The following SEC14L6 variants were observed in gnomAD, a reference collection of about 807,000 sequenced individuals.
SEC14L6 encodes the protein SEC14 like lipid binding 6.
Under a neutral mutation model 54.1 loss-of-function variants are expected in SEC14L6, and 40 were observed. The ratio of observed to expected loss-of-function variants is 0.74; its 90% CI spans 0.57 to 0.96. SEC14L6 has a LOEUF of 0.96. SEC14L6 is among the 40% of genes least tolerant of loss of function. SEC14L6 has a pLI of 0.00. For missense variants in SEC14L6, 471 were observed against 498.3 expected (o/e 0.95, Z 0.52); for synonymous variants, 171 against 198.4 (o/e 0.86, Z 1.16).
chr22:30,538,981 G>T, intron 1 of SEC14L6, 79 bp from the exon 2 acceptor site: 2 of 1,005,618 alleles, frequency 2.0e-6, no homozygotes, highest in South Asian at 1.4e-5. Flanking sequence ...CTTGAGGAAG[G>T]GGATGTCTGA....
chr22:30,526,949 T>C (rs1936798536), intron 8 of SEC14L6, among the ~76,000 whole-genome samples: 1 of 151,768 alleles, frequency 6.6e-6, no homozygotes, highest in Non-Finnish European at 1.5e-5. Flanking sequence ...TAACAATAAA[T>C]GTGCCACGTG....
chr22:30,526,946 A>T (rs1252940106), intron 8 of SEC14L6, among the ~76,000 whole-genome samples: 1 of 151,862 alleles, frequency 6.6e-6, no homozygotes, highest in Non-Finnish European at 1.5e-5. Flanking sequence ...AAATAACAAT[A>T]AATGTGCCAC....
chr22:30,532,026 C>G (rs1205565291), intron 5 of SEC14L6, 28 bp from the exon 6 acceptor site: 9 of 1,545,872 alleles, frequency 5.8e-6, no homozygotes, highest in Non-Finnish European at 7.9e-6. Context: ...GGGGTGAGAC[C>G]CTGTGAGGGC....
At chr22:30,541,283 T>G (rs892769524) in intron 1 of SEC14L6, among the ~76,000 whole-genome samples, 3 of 152,258 alleles carry the variant, frequency 2.0e-5, no homozygotes, top group African/African-American at 4.8e-5. Context: ...ACAATCATCC[T>G]TAAGCTAGAT....
At chr22:30,533,388 G>A (rs968711736) in intron 3 of SEC14L6, among the ~76,000 whole-genome samples, 1 of 152,140 alleles carries the variant, frequency 6.6e-6, no homozygotes, top group Non-Finnish European at 1.5e-5. Context: ...ATCACCCGAG[G>A]TCAGGAGTTC....
At chr22:30,539,821 A>G (rs1442876911) in intron 1 of SEC14L6, among the ~76,000 whole-genome samples, 2 of 152,184 alleles carry the variant, frequency 1.3e-5, no homozygotes, top group African/African-American at 4.8e-5. Context: ...CGCCCAAGTG[A>G]GGGGTGGCTT....
At chr22:30,533,598 CA>C (rs11305814) in intron 3 of SEC14L6, among the ~76,000 whole-genome samples, 104,866 of 144,580 alleles carry the variant, frequency 0.73, 37,564 homozygotes, top group Middle Eastern at 0.79. Flanking sequence ...AAGACTGTCT[CA>C]AAAAAAAAAA....
chr22:30,545,101 G>A (rs907649262), intron 1 of SEC14L6, among the ~76,000 whole-genome samples: 4 of 152,004 alleles, frequency 2.6e-5, no homozygotes, highest in Admixed American at 6.6e-5. Context: ...TCATGGAACC[G>A]TGTGAGTCTT....
At position 30,525,813 on chromosome 22, in the gene SEC14L6, G is replaced by A; in HGVS notation, c.771+13C>T. On this transcript the variant is annotated intron_variant, in intron 9 of 11. Transcript: ENST00000402034. ...CTTCTCCCCTCCTTCCCCATCCTCT[G>A]GGCACCCTGTACCTTGGTCAGGCAC... 1.9e-6 allele frequency: 3 copies of A among 1,613,528 alleles called. No individual in the cohort carries two copies. The highest frequency in any genetic ancestry group is 2.5e-6 in the Non-Finnish European group (3 of 1,179,658).
At chr22:30,534,837 C>T (rs1418479677) in intron 2 of SEC14L6, among the ~76,000 whole-genome samples, 1 of 152,028 alleles carries the variant, frequency 6.6e-6, no homozygotes, top group East Asian at 1.9e-4. Context: ...CCAGCCTGGA[C>T]AACATAGTGA....
Position 30,534,020 on chromosome 22 carries a change from C to T in SEC14L6, c.150G>A (p.Gln50=). Residue 50 remains glutamine, a synonymous_variant, in exon 3 of 12, where the codon CAG becomes CAA. Coordinates refer to ENST00000402034, the MANE Select transcript of SEC14L6 (RefSeq NM_001193336.4). ...CCTTCCTCAGCATGTCCTCTGATTT[C>T]TGCAGGTCAAAGCTCCGAGCTGCAA... ...RWLQARSFDL[Q]KSEDMLRKHM... 6.4e-7 allele frequency: 1 copy of T among 1,550,942 alleles called. No individual in the cohort carries two copies. The highest frequency in any genetic ancestry group is 8.7e-7 in the Non-Finnish European group (1 of 1,147,054).
intron 1 of SEC14L6, among the ~76,000 whole-genome samples, chr22:30,539,562 G>A (rs188483802): frequency 1.8e-4 from 27 of 152,342 alleles, no homozygotes; most frequent in African/African-American, 6.0e-4. Context: ...CAGAGTCTGA[G>A]GCTCAGAGAG....
intron 1 of SEC14L6, chr22:30,544,074 G>C (rs867840363): frequency 1.8e-5 from 27 of 1,503,196 alleles, no homozygotes; most frequent in Non-Finnish European, 2.2e-5. Context: ...TCCAGGTCCC[G>C]AGGAAGTGAA....
At chr22:30,544,405 G>A (rs925029834) in intron 1 of SEC14L6, 45 of 205,808 alleles carry the variant, frequency 2.2e-4, no homozygotes, top group Middle Eastern at 3.8e-3. Flanking sequence ...GAAGACCCTT[G>A]ACTACCTCCC....
At chr22:30,529,413 C>T (rs1373711009) in intron 6 of SEC14L6, 64 bp from the exon 7 acceptor site, 22 of 1,348,100 alleles carry the variant, frequency 1.6e-5, no homozygotes, top group Non-Finnish European at 2.3e-5. Context: ...CCCCTCTCGC[C>T]CCACCCTCCA....
chr22:30,544,812 A>G (rs1393438333), intron 1 of SEC14L6, among the ~76,000 whole-genome samples: 1 of 152,160 alleles, frequency 6.6e-6, no homozygotes, highest in Non-Finnish European at 1.5e-5. Context: ...ACTAAGCAAC[A>G]TCTCGCTGTG....
chr22:30,523,663 G>C lies in SEC14L6; in HGVS notation c.*1334C>G, dbSNP rs1279702812. ...GTGAGCCACTGCACCTGGCCAGTTT[G>C]AAATCTTAATCAGGAGATTGGATGA... is the stretch of plus-strand genomic sequence containing the variant. On this transcript the variant is annotated 3_prime_UTR_variant, in exon 12 of 12. Transcript: ENST00000402034. 1 of 152,168 alleles carries C rather than the reference G, an allele frequency of 6.6e-6. No individual in the cohort carries two copies. Among genetic ancestry groups the C allele is most frequent in the Non-Finnish European group, 1.5e-5 (1 of 68,060 alleles). The allele number at this position is 152,168 out of a possible 1,614,324, so 9.4% of individuals were successfully genotyped here. A position where few individuals can be genotyped will look rare whatever the true frequency, so the allele number is the denominator to read the frequency against.
chr22:30,533,983 G>A lies in SEC14L6; in HGVS notation c.174+13C>T, dbSNP rs1449947721. On this transcript the variant is annotated intron_variant, in intron 3 of 11. Transcript: ENST00000402034. Reference sequence around the variant, plus strand: ...ACAGGACCAGGCTAGGCAGGGGGAGGTGTCAACCTCACCTTCCTCAGCATG... The same window carrying A: ...ACAGGACCAGGCTAGGCAGGGGGAGATGTCAACCTCACCTTCCTCAGCATG... 1.3e-6 allele frequency: 2 copies of A among 1,550,156 alleles called. No homozygotes were observed. Among genetic ancestry groups the A allele is most frequent in the East Asian group, 2.4e-5 (1 of 40,914 alleles).
intron 5 of SEC14L6, 47 bp downstream of exon 5, chr22:30,532,478 G>A (rs1937011861): frequency 6.7e-7 from 1 of 1,498,248 alleles, no homozygotes; most frequent in South Asian, 1.3e-5. Context: ...CTCAGGGGGT[G>A]AGGGTGCTGT....
Sources: allele counts gnomAD v4.1 joint callset (sites outside exome capture counted in the v4.1 genomes callset), GRCh38; gene constraint gnomAD v4.1.1; transcripts MANE v1.5; gene names NCBI Gene and HGNC (gene_info 2026-07-23, HGNC 2026-07-21).